Variants in P2RX6 observed in about 807,000 individuals in gnomAD.
P2RX6 encodes the protein purinergic receptor P2X 6, also known as P2X purinoceptor 6.
A neutral mutation model predicts 54.2 loss-of-function variants in P2RX6; 62 were observed. That is an observed-to-expected ratio of 1.14 (90% CI 0.93 to 1.41). P2RX6 has a LOEUF of 1.41. Among genes scored for constraint, P2RX6 ranks in the 40% most tolerant of loss-of-function variants. The pLI is 0.00. For synonymous variants in P2RX6, 211 were observed against 231.9 expected (o/e 0.91, Z 0.82); for missense variants, 541 against 566.3 (o/e 0.96, Z 0.45).
chr22:21,011,141 G>A (rs1925715079), upstream of P2RX6, among the ~76,000 whole-genome samples: 1 of 151,102 alleles, frequency 6.6e-6, no homozygotes, highest in Non-Finnish European at 1.5e-5. Flanking sequence ...TTTGTTCAAG[G>A]TGGATCCCTG....
chr22:21,013,581 T>G (rs1446464547), upstream of P2RX6, among the ~76,000 whole-genome samples: 1 of 152,202 alleles, frequency 6.6e-6, no homozygotes, highest in African/African-American at 2.4e-5. Flanking sequence ...AGCAAGACCC[T>G]GGCTCTAATA....
Position 21,027,230 on chromosome 22 carries a change from G to C in P2RX6, c.*613G>C. The C allele has an allele frequency of 6.5e-6, 1 of 153,678 alleles. No homozygotes were observed. The highest frequency in any genetic ancestry group is 1.4e-5 in the Non-Finnish European group (1 of 69,078). The allele number at this position is 153,678 out of a possible 1,614,324, so 9.5% of individuals were successfully genotyped here. ...TCCACCTCCCTATCCCCCAGGCAAG[G>C]GCGGAGCATGTGTCTTGGGCCCACA... On this transcript the variant is annotated 3_prime_UTR_variant, in exon 12 of 12. Transcript: ENST00000413302.
chr22:21,015,105 A>ACTGGC (rs1487756420), upstream of P2RX6: 3 of 960,524 alleles, frequency 3.1e-6, no homozygotes, highest in Middle Eastern at 3.2e-4. Context: ...TTTAACAGCA[A>ACTGGC]CTGGCCTGGC....
intron 3 of P2RX6, 118 bp downstream of exon 3, chr22:21,018,178 C>A: frequency 1.4e-6 from 1 of 717,522 alleles, no homozygotes; most frequent in East Asian, 2.7e-5. Flanking sequence ...TGCTCGGTGT[C>A]CCCCAGGCAC....
At position 21,026,749 on chromosome 22, in the gene P2RX6, C is replaced by A; in HGVS notation, c.*132C>A. 6.9e-7 allele frequency: 1 copy of A among 1,443,710 alleles called. No individual in the cohort carries two copies. The highest frequency in any genetic ancestry group is 9.1e-7 in the Non-Finnish European group (1 of 1,096,844). 89.4% of individuals were successfully genotyped at this position (1,443,710 alleles called of 1,614,324 possible). ...TGAACCCCAGCAGACAGTCCCTCCC[C>A]TGACTCCCACCTTGGTAGGGTGCTG... On this transcript the variant is annotated 3_prime_UTR_variant, in exon 12 of 12. Transcript: ENST00000413302. The surrounding 1 kb of genome is among the most constrained non-coding windows in gnomAD (Gnocchi z 4.0).
chr22:21,026,081 G>C lies in P2RX6; in HGVS notation c.1050+5G>C. 1 of 1,608,568 alleles carries C rather than the reference G, an allele frequency of 6.2e-7. No homozygotes were observed. The highest frequency in any genetic ancestry group is 8.5e-7 in the Non-Finnish European group (1 of 1,178,078). On this transcript the variant is annotated splice_donor_5th_base_variant and intron_variant, in intron 10 of 11. Transcript: ENST00000413302. This position sits in a 1 kb window ranked among gnomAD's most constrained non-coding sequence, Gnocchi z 4.0. ...GGGGCAGCTTGGCTGGGCGTGGTGA[G>C]TGCGAGCACTGTGGGCACCTGCAGG...
intron 3 of P2RX6, 108 bp downstream of exon 3, chr22:21,018,168 T>A: frequency 1.3e-6 from 1 of 742,940 alleles, no homozygotes; most frequent in Non-Finnish European, 2.4e-6. Context: ...GCTCAGCCTG[T>A]GCTCGGTGTC....
chr22:21,025,900 T>TG lies in P2RX6; in HGVS notation c.984+2_984+3insG. On this transcript the variant is annotated splice_region_variant and intron_variant, in intron 9 of 11. Coordinates refer to ENST00000413302, the MANE Select transcript of P2RX6 (RefSeq NM_005446.5). ...TTCGACATCCTCGTCACCGGGCAGGTAGGCACAGGTAGGGGTCAGGCCGGG... is the reference window on the plus strand; with the variant it reads ...TTCGACATCCTCGTCACCGGGCAGGTGAGGCACAGGTAGGGGTCAGGCCGGG... 1 of 1,578,020 alleles carries TG rather than the reference T, an allele frequency of 6.3e-7. No homozygotes were observed. The highest frequency in any genetic ancestry group is 8.6e-7 in the Non-Finnish European group (1 of 1,162,294).
chr22:21,018,178 C>G lies in P2RX6; in HGVS notation c.387+118C>G, dbSNP rs2073599. 415,517 of 716,972 alleles carry G rather than the reference C, an allele frequency of 0.58. 124,307 individuals are homozygous for G. The highest frequency in any genetic ancestry group is 0.65 in the Non-Finnish European group (252,364 of 389,392). The allele number at this position is 716,972 out of a possible 1,614,324, so 44.4% of individuals were successfully genotyped here. ...TGAAGGCTCAGCCTGTGCTCGGTGT[C>G]CCCCAGGCACTGGGCTACATCTTTT... On this transcript the variant is annotated intron_variant, in intron 3 of 11. Coordinates refer to ENST00000413302, the MANE Select transcript of P2RX6 (RefSeq NM_005446.5).
At chr22:21,012,643 G>A (rs1925805785), upstream of P2RX6, 1 of 559,540 alleles carries the variant, frequency 1.8e-6, no homozygotes, top group Non-Finnish European at 3.4e-6. Flanking sequence ...CAATGAGGAA[G>A]CCAGAGACCG....
At chr22:21,011,211 T>A (rs1334117826), upstream of P2RX6, among the ~76,000 whole-genome samples, 4 of 145,890 alleles carry the variant, frequency 2.7e-5, no homozygotes, top group Non-Finnish European at 6.0e-5. Context: ...GTGGAAGGAA[T>A]GAAGAGTTCC....
At chr22:21,024,961 A>G (rs7510804) in intron 8 of P2RX6, among the ~76,000 whole-genome samples, 3,596 of 144,792 alleles carry the variant, frequency 0.025, 52 homozygotes, top group Non-Finnish European at 0.037. Flanking sequence ...GCTCACTGCA[A>G]TCTTTGCCTC....
At chr22:21,016,189 G>T in intron 2 of P2RX6, 97 bp downstream of exon 2, 2 of 1,278,376 alleles carry the variant, frequency 1.6e-6, no homozygotes, top group Non-Finnish European at 2.2e-6. Context: ...AGAGAAGCAT[G>T]TGATGCCAGA....
chr22:21,017,541 A>G (rs1038011698), intron 2 of P2RX6, among the ~76,000 whole-genome samples: 10 of 152,194 alleles, frequency 6.6e-5, no homozygotes, highest in African/African-American at 2.4e-4. Flanking sequence ...TACTAGAAGC[A>G]GCAGGCTGTT....
intron 2 of P2RX6, among the ~76,000 whole-genome samples, chr22:21,016,943 C>A (rs1465425071): frequency 2.6e-5 from 4 of 152,182 alleles, no homozygotes; most frequent in Non-Finnish European, 5.9e-5. Flanking sequence ...CCTCTCCTGG[C>A]ATGGCCTCTG....
chr22:21,015,822 C>G (rs1926257312), intron 1 of P2RX6, 120 bp from the exon 2 acceptor site: 1 of 1,041,128 alleles, frequency 9.6e-7, no homozygotes, highest in African/African-American at 1.6e-5. Flanking sequence ...GAGGTGGGGC[C>G]TTCGATGTTG....
intron 3 of P2RX6, among the ~76,000 whole-genome samples, chr22:21,022,169 A>C (rs558391058): frequency 1.3e-5 from 2 of 152,058 alleles, no homozygotes; most frequent in African/African-American, 4.8e-5. Flanking sequence ...GGAGTTAAAA[A>C]CCAGCCTGGT....
chr22:21,017,992 G>C lies in P2RX6; in HGVS notation c.319G>C (p.Glu107Gln). The change falls in exon 3 of 12, where the codon GAG (glutamate) becomes CAG (glutamine). Residue 107 changes from glutamate to glutamine, a missense_variant. Physicochemically the swap from Glu to Gln is conservative, Grantham distance 29. Around this residue, in one of 2 missense-constraint regions of P2RX6, gnomAD observed 526 missense variants for 531.5 expected, o/e 0.99. Coordinates refer to ENST00000413302, the MANE Select transcript of P2RX6 (RefSeq NM_005446.5). ...AACCTTGAGACTTGCCTCCTAGGGAGAGAACGTGTTCTTCTTGGTGACCAA... is the reference window on the plus strand; with the variant it reads ...AACCTTGAGACTTGCCTCCTAGGGACAGAACGTGTTCTTCTTGGTGACCAA... The part of the protein sequence containing the change: ...VADFVKPPQG[E>Q]NVFFLVTNFL... 1 of 1,611,164 alleles carries C rather than the reference G, an allele frequency of 6.2e-7. No individual in the cohort carries two copies. The highest frequency in any genetic ancestry group is 8.5e-7 in the Non-Finnish European group (1 of 1,177,686).
chr22:21,026,431 GA>G lies in P2RX6; in HGVS notation c.1143del (p.Ala382GlnfsTer97). Reference protein sequence around the residue: ...RTKYEEAKAPKATANSVWREL... With the variant: ...RTKYEEAKAPXATANSVWREL... Reference sequence around the variant, plus strand: ...GTCCTCATCTGCAGGCCAAGGCCCCGAAAGCAACCGCCAACTCTGTGTGGAG... The same window carrying G: ...GTCCTCATCTGCAGGCCAAGGCCCCGAAGCAACCGCCAACTCTGTGTGGAG... On this transcript the variant is annotated frameshift_variant, in exon 12 of 12. Coordinates refer to ENST00000413302, the MANE Select transcript of P2RX6 (RefSeq NM_005446.5). LOFTEE classifies it high-confidence loss of function. The surrounding 1 kb of genome is among the most constrained non-coding windows in gnomAD (Gnocchi z 4.0). 6.2e-7 allele frequency: 1 copy of G among 1,600,750 alleles called. No homozygotes were observed. Among genetic ancestry groups the G allele is most frequent in the Non-Finnish European group, 8.5e-7 (1 of 1,174,118 alleles).
Sources: allele counts gnomAD v4.1 joint callset (sites outside exome capture counted in the v4.1 genomes callset), GRCh38; gene constraint gnomAD v4.1.1; regional missense constraint gnomAD v4.1.1; non-coding constraint Gnocchi (gnomAD v3.1); transcripts MANE v1.5; gene names NCBI Gene and HGNC (gene_info 2026-07-23, HGNC 2026-07-21).